Variants in OSBPL6 observed in about 807,000 individuals in gnomAD.
The protein encoded by OSBPL6 is oxysterol-binding protein-related protein 6.
Under a neutral mutation model 125.8 loss-of-function variants are expected in OSBPL6, and 49 were observed. The ratio of observed to expected loss-of-function variants is 0.39; its 90% CI spans 0.31 to 0.49. The LOEUF (loss-of-function observed/expected upper bound fraction) is 0.49. OSBPL6 is among the 20% of genes least tolerant of loss of function. The probability of loss-of-function intolerance (pLI) is 0.88; values close to 1 mark genes in which losing one functional copy is unlikely to be tolerated. For missense variants in OSBPL6, 986 were observed against 1,135.4 expected, an observed-to-expected ratio of 0.87 and a Z score of 1.89; for synonymous variants, 394 against 391.8, an observed-to-expected ratio of 1.01 and a Z score of -0.07.
At chr2:178,387,466 T>G (rs1379908516) in intron 20 of OSBPL6, among the ~76,000 whole-genome samples, 2 of 152,232 alleles carry the variant, frequency 1.3e-5, no homozygotes, top group African/African-American at 4.8e-5. Flanking sequence ...CAGTTTCACT[T>G]TTGAGTTCAT....
intron 2 of OSBPL6, among the ~76,000 whole-genome samples, chr2:178,291,153 A>G (rs980214945): frequency 2.0e-5 from 3 of 152,038 alleles, no homozygotes; most frequent in Non-Finnish European, 2.9e-5. Context: ...TAGTCATTCA[A>G]AATTTCTGTA....
At chr2:178,274,193 G>C (rs1426234580) in intron 1 of OSBPL6, among the ~76,000 whole-genome samples, 2 of 152,122 alleles carry the variant, frequency 1.3e-5, no homozygotes, top group African/African-American at 4.8e-5. Context: ...TATCAGATAG[G>C]CTTGCAACAC....
At chr2:178,206,050 A>G (rs1295214205) in intron 1 of OSBPL6, among the ~76,000 whole-genome samples, 1 of 152,230 alleles carries the variant, frequency 6.6e-6, no homozygotes, top group African/African-American at 2.4e-5. Flanking sequence ...ATGCTGATTA[A>G]TCAGATGATG....
At chr2:178,279,652 G>A (rs923559377) in intron 1 of OSBPL6, among the ~76,000 whole-genome samples, 1 of 152,206 alleles carries the variant, frequency 6.6e-6, no homozygotes, top group African/African-American at 2.4e-5. Context: ...ACGCATGTGT[G>A]TGCACGCGTG....
intron 1 of OSBPL6, among the ~76,000 whole-genome samples, chr2:178,240,812 TTAA>T (rs1228567100): frequency 2.0e-5 from 3 of 152,202 alleles, no homozygotes; most frequent in Non-Finnish European, 2.9e-5. Context: ...AAAGTTAATG[TTAA>T]TAATTAATAA....
chr2:178,220,507 T>C (rs1234376751), intron 1 of OSBPL6, among the ~76,000 whole-genome samples: 2 of 152,126 alleles, frequency 1.3e-5, no homozygotes, highest in Non-Finnish European at 2.9e-5. Flanking sequence ...AGTCTCGCCA[T>C]GTTGCCCAGG....
intron 1 of OSBPL6, among the ~76,000 whole-genome samples, chr2:178,268,855 A>G (rs2092310115): frequency 6.6e-6 from 1 of 152,060 alleles, no homozygotes; most frequent in African/African-American, 2.4e-5. Context: ...CAGAGATGGC[A>G]GCAAGTGACA....
At chr2:178,299,045 G>C (rs1332457083) in intron 2 of OSBPL6, among the ~76,000 whole-genome samples, 1 of 152,136 alleles carries the variant, frequency 6.6e-6, no homozygotes, top group Non-Finnish European at 1.5e-5. Context: ...CTGACAATTG[G>C]TATCTGTTAG....
At chr2:178,210,306 A>G (rs998576458) in intron 1 of OSBPL6, among the ~76,000 whole-genome samples, 1 of 151,738 alleles carries the variant, frequency 6.6e-6, no homozygotes, top group African/African-American at 2.4e-5. Flanking sequence ...GGCATGAGCC[A>G]CCACACCTGA....
At chr2:178,229,086 G>A (rs868080327) in intron 1 of OSBPL6, among the ~76,000 whole-genome samples, 117 of 152,330 alleles carry the variant, frequency 7.7e-4, no homozygotes, top group African/African-American at 2.5e-3. Context: ...GGTCATGGGA[G>A]CATGTGTGTG....
intron 4 of OSBPL6, among the ~76,000 whole-genome samples, chr2:178,327,499 T>G (rs1480973890): frequency 6.6e-6 from 1 of 152,210 alleles, no homozygotes; most frequent in Non-Finnish European, 1.5e-5. Context: ...ATGGAGATTA[T>G]TTTCTAGAAT....
At chr2:178,292,658 G>A (rs1685393794) in intron 2 of OSBPL6, among the ~76,000 whole-genome samples, 1 of 152,100 alleles carries the variant, frequency 6.6e-6, no homozygotes, top group Non-Finnish European at 1.5e-5. Context: ...CATTCATCCA[G>A]CAAAGTCTAT....
intron 9 of OSBPL6, among the ~76,000 whole-genome samples, chr2:178,338,465 G>C (rs1689901682): frequency 6.6e-6 from 1 of 152,044 alleles, no homozygotes; most frequent in South Asian, 2.1e-4. Flanking sequence ...AATCTGATTT[G>C]GTTAATATAA....
At chr2:178,373,639 C>T (rs767500557) in intron 14 of OSBPL6, among the ~76,000 whole-genome samples, 1 of 152,180 alleles carries the variant, frequency 6.6e-6, no homozygotes, top group African/African-American at 2.4e-5. Context: ...CTTAACCTGA[C>T]TCAGTATCAA....
At chr2:178,285,794 G>A (rs1239106950) in intron 2 of OSBPL6, among the ~76,000 whole-genome samples, 1 of 152,178 alleles carries the variant, frequency 6.6e-6, no homozygotes, top group Non-Finnish European at 1.5e-5. Flanking sequence ...GAAGTTTGTG[G>A]CATTAATCGT....
intron 15 of OSBPL6, among the ~76,000 whole-genome samples, chr2:178,380,989 T>C (rs1350385637): frequency 6.6e-6 from 1 of 152,232 alleles, no homozygotes; most frequent in Non-Finnish European, 1.5e-5. Context: ...TGGTTTCCTA[T>C]AGGTGATGGG....
At chr2:178,243,403 C>T (rs915699974) in intron 1 of OSBPL6, among the ~76,000 whole-genome samples, 3 of 152,200 alleles carry the variant, frequency 2.0e-5, no homozygotes, top group Non-Finnish European at 4.4e-5. Context: ...TTTTGATCCC[C>T]TACTTGCCAA....
In OSBPL6 at chr2:178,383,099, C is replaced by A; in HGVS notation, c.1697C>A (p.Thr566Asn). The A allele has an allele frequency of 1.2e-6, 2 of 1,614,166 alleles. No homozygotes were observed. The highest frequency in any genetic ancestry group is 1.7e-6 in the Non-Finnish European group (2 of 1,180,032). ...TGCCTGCCAGCTCCTTGTCCTGACACCAGTAACATTAACCTGTGGAATATC... is the reference window on the plus strand; with the variant it reads ...TGCCTGCCAGCTCCTTGTCCTGACAACAGTAACATTAACCTGTGGAATATC... Reference protein sequence around the residue: ...RACLPAPCPDTSNINLWNILR... With the variant: ...RACLPAPCPDNSNINLWNILR... Residue 566 changes from threonine (T) to asparagine (N), a missense_variant, in exon 17 of 25, where the codon ACC becomes AAC. By Grantham distance (65) the Thr-to-Asn change is moderately conservative. Coordinates refer to ENST00000190611, the MANE Select transcript of OSBPL6 (RefSeq NM_032523.4).
chr2:178,351,836 T>C (rs1691289203), intron 12 of OSBPL6, among the ~76,000 whole-genome samples: 1 of 150,784 alleles, frequency 6.6e-6, no homozygotes, highest in Non-Finnish European at 1.5e-5. Flanking sequence ...TGGAGCCTAT[T>C]TGAGGGTGGA....
Sources: gnomAD v4.1 joint callset for allele counts (sites outside exome capture counted in the v4.1 genomes callset) on GRCh38, gnomAD v4.1.1 for gene constraint, MANE v1.5 for transcripts, NCBI Gene and HGNC (gene_info 2026-07-23, HGNC 2026-07-21) for gene names.